AURKA: variants seen among roughly 807,000 people sequenced by gnomAD.
The protein encoded by AURKA is aurora kinase A, also known as aurora 2.
A neutral mutation model predicts 40.9 loss-of-function variants in AURKA; 12 were observed. The observed-to-expected ratio is 0.29, with a 90% CI of 0.19 to 0.48. The LOEUF (loss-of-function observed/expected upper bound fraction) is 0.48. Ranked by LOEUF, AURKA falls within the 20% of genes least tolerant of loss-of-function variation. The pLI is 0.99. For missense variants in AURKA, 322 were observed against 462.1 expected (o/e 0.70, Z 2.78); for synonymous variants, 170 against 164.3 (o/e 1.03, Z -0.26).
rs1420437796 is a variant in AURKA at position 56,388,315 on chromosome 20, A to G, written c.-5-113T>C. ...TCAAAAGGCCTCCACAACACACCGG[A>G]TTTTACATGTTTTGTCCAAATGAAG... On this transcript the variant is annotated intron_variant, in intron 1 of 8. Coordinates refer to ENST00000395915, the MANE Select transcript of AURKA (RefSeq NM_198437.3). 3.2e-6 allele frequency: 3 copies of G among 938,182 alleles called. No individual in the cohort carries two copies. The African/African-American group carries it at 4.9e-5, about 15-fold the overall frequency. 58.1% of individuals were successfully genotyped at this position (938,182 alleles called of 1,614,324 possible).
intron 7 of AURKA, among the ~76,000 whole-genome samples, chr20:56,372,098 C>T (rs1984321167): frequency 6.6e-6 from 1 of 152,162 alleles, no homozygotes; most frequent in South Asian, 2.1e-4. Flanking sequence ...CAAGCCAGAA[C>T]AGTCTGTGTG....
chr20:56,370,110 A>G lies in AURKA; in HGVS notation c.*48T>C. On this transcript the variant is annotated 3_prime_UTR_variant, in exon 9 of 9. Coordinates refer to ENST00000395915, the MANE Select transcript of AURKA (RefSeq NM_198437.3). ...TAAACTTCAGTAGCATGTTCCTGTC[A>G]GGTTATATGGCAGCCCTGGCTCAAG... The G allele has an allele frequency of 6.2e-7, 1 of 1,601,668 alleles. No homozygotes were observed. Among genetic ancestry groups the G allele is most frequent in the Non-Finnish European group, 8.5e-7 (1 of 1,170,406 alleles).
chr20:56,386,507 T>A lies in AURKA; in HGVS notation c.69A>T (p.Lys23Asn). The change falls in exon 3 of 9, where the codon AAA becomes AAT. Residue 23 changes from lysine to asparagine, a missense_variant. Physicochemically the swap from Lys to Asn is moderately conservative, Grantham distance 94 (BLOSUM62 0). Coordinates refer to ENST00000395915, the MANE Select transcript of AURKA (RefSeq NM_198437.3). ...GAAATTGCTGAGTCACGAGAACACGTTTTGGACCTCCAACTGGAGCTGTAG... is the reference window on the plus strand; with the variant it reads ...GAAATTGCTGAGTCACGAGAACACGATTTGGACCTCCAACTGGAGCTGTAG... ...VKATAPVGGP[K>N]RVLVTQQFPC... 6.2e-7 allele frequency: 1 copy of A among 1,614,198 alleles called. No homozygotes were observed. The highest frequency in any genetic ancestry group is 8.5e-7 in the Non-Finnish European group (1 of 1,180,038).
chr20:56,386,531 A>C lies in AURKA; in HGVS notation c.45T>G (p.Ala15=), dbSNP rs1414130779. The change falls in exon 3 of 9, where the codon GCT becomes GCG. Residue 15 remains alanine (A), a splice_region_variant and synonymous_variant. Transcript: ENST00000395915. ...GTTTTGGACCTCCAACTGGAGCTGT[A>C]GCCTAGAATGGAAGAGAAAATAAAC... is the stretch of plus-strand genomic sequence containing the variant. ...KENCISGPVK[A]TAPVGGPKRV... is the part of the protein sequence containing the mutation. 6.2e-7 allele frequency: 1 copy of C among 1,614,256 alleles called. No homozygotes were observed. Among genetic ancestry groups the C allele is most frequent in the Non-Finnish European group, 8.5e-7 (1 of 1,180,036 alleles).
intron 4 of AURKA, 38 bp downstream of exon 4, chr20:56,384,232 G>C (rs759854502): frequency 2.0e-6 from 3 of 1,524,800 alleles, no homozygotes; most frequent in African/African-American, 1.4e-5. Flanking sequence ...ATATATTCTA[G>C]TAGAACAGTA....
At chr20:56,385,967 A>C (rs1986304916) in intron 3 of AURKA, among the ~76,000 whole-genome samples, 1 of 152,160 alleles carries the variant, frequency 6.6e-6, no homozygotes, top group Admixed American at 6.6e-5. Context: ...ACTTACTGCA[A>C]GCACCCTACA....
At chr20:56,387,990 A>C (rs1425126961) in intron 2 of AURKA, among the ~76,000 whole-genome samples, 166 bp downstream of exon 2, 1 of 86,854 alleles carries the variant, frequency 1.2e-5, no homozygotes, top group Non-Finnish European at 2.5e-5. Context: ...CTACTCTAAG[A>C]AGCAGCAAAA....
chr20:56,375,742 T>C (rs1247081889), intron 6 of AURKA, among the ~76,000 whole-genome samples: 1 of 152,206 alleles, frequency 6.6e-6, no homozygotes, highest in Non-Finnish European at 1.5e-5. Flanking sequence ...GATGCTTTAA[T>C]TGCACACATT....
Position 56,370,210 on chromosome 20 carries a change from G to A in AURKA, c.1160C>T (p.Ser387Leu). 1 of 1,613,760 alleles carries A rather than the reference G, an allele frequency of 6.2e-7. No individual in the cohort carries two copies. The stretch of plus-strand genomic sequence containing the variant: ...GTTTTGGCAATTTGATGGTTTTGAT[G>A]AATTTGCTGTGATCCAGGGGTGTTC... ...VLEHPWITAN[S>L]SKPSNCQNKE... Residue 387 changes from serine to leucine, a missense_variant, in exon 9 of 9, where the codon TCA (serine) becomes TTA (leucine). By Grantham distance (145) the Ser-to-Leu change is moderately radical. Coordinates refer to ENST00000395915, the MANE Select transcript of AURKA (RefSeq NM_198437.3).
chr20:56,391,899 A>T (rs1233055768), intron 1 of AURKA: 1 of 66,896 alleles, frequency 1.5e-5, no homozygotes, highest in Non-Finnish European at 3.2e-5. Context: ...AAGCCCACCC[A>T]CCCCTCCCGC....
At chr20:56,374,466 TG>T (rs530321073) in intron 6 of AURKA, among the ~76,000 whole-genome samples, 101 of 152,324 alleles carry the variant, frequency 6.6e-4, no homozygotes, top group African/African-American at 2.4e-3. Flanking sequence ...AAAATTATCC[TG>T]AACAATAAAC....
Position 56,372,432 on chromosome 20 carries a change from A to G in AURKA, c.854+976T>C, listed in dbSNP as rs573511881. Among the ~76,000 whole-genome samples, 4 of 152,112 alleles carry G rather than the reference A, an allele frequency of 2.6e-5. No homozygotes were observed. In the East Asian group the frequency reaches 5.8e-4, roughly 22 times the overall value. ...AAGCCATCTTTTCTATCACAATTCA[A>G]CCGGTTAAGATACAGTTTAACTCTG... On this transcript the variant is annotated intron_variant, in intron 7 of 8. Transcript: ENST00000395915.
rs1259147705 is a variant in AURKA, at chr20:56,378,838, T to C, written c.705+2595A>G. ...TTACATGATATTCTGGAAAAGGCAA[T>C]AGAGACAGTAAACAGATCAGTGGTT... On this transcript the variant is annotated intron_variant, in intron 6 of 8. Transcript: ENST00000395915. 3.3e-5 allele frequency among the ~76,000 whole-genome samples: 5 copies of C among 152,238 alleles called. No individual in the cohort carries two copies. In the East Asian group the frequency reaches 9.7e-4, roughly 29 times the overall value.
intron 6 of AURKA, among the ~76,000 whole-genome samples, chr20:56,381,041 G>C (rs892991465): frequency 6.6e-6 from 1 of 152,168 alleles, no homozygotes; most frequent in East Asian, 1.9e-4. Flanking sequence ...CCAGCTACTC[G>C]GGAGGCTGAG....
At position 56,370,037 on chromosome 20, in the gene AURKA, T is replaced by C; in HGVS notation, c.*121A>G. The C allele has an allele frequency of 1.6e-6, 2 of 1,289,258 alleles. No individual in the cohort carries two copies. The highest frequency in any genetic ancestry group is 2.4e-5 in the South Asian group (2 of 83,656). The allele number at this position is 1,289,258 out of a possible 1,614,324, so 79.9% of individuals were successfully genotyped here. A position where few individuals can be genotyped will look rare whatever the true frequency, so the allele number is the denominator to read the frequency against. On this transcript the variant is annotated 3_prime_UTR_variant, in exon 9 of 9. Transcript: ENST00000395915. ...AGGCACACCTGCTGAGTAAAACAAA[T>C]ATTTCTTGTGTAGCGTTCTAGATTG...
intron 6 of AURKA, among the ~76,000 whole-genome samples, chr20:56,380,360 G>GAAAAAAAAAAAAAAAAAAAAAA (rs58953054): frequency 8.3e-6 from 1 of 119,998 alleles, no homozygotes. Flanking sequence ...GTCTCAAAAA[G>GAAAAAAAAAAAAAAAAAAAAAA]AAAAAAAAAA....
intron 6 of AURKA, among the ~76,000 whole-genome samples, chr20:56,379,202 A>C (rs1173250720): frequency 1.3e-5 from 2 of 152,240 alleles, no homozygotes; most frequent in Non-Finnish European, 2.9e-5. Context: ...AGTGCACATA[A>C]GCACTCTAAT....
At chr20:56,387,472 G>A (rs1310316503) in intron 2 of AURKA, among the ~76,000 whole-genome samples, 4 of 152,102 alleles carry the variant, frequency 2.6e-5, no homozygotes. Context: ...TTATTTATAC[G>A]CCTGTAAGTA....
Position 56,369,803 on chromosome 20 carries a change from G to T in AURKA, c.*355C>A. 2.2e-6 allele frequency: 1 copy of T among 462,262 alleles called. No homozygotes were observed. Among genetic ancestry groups the T allele is most frequent in the Non-Finnish European group, 4.0e-6 (1 of 249,852 alleles). The allele number at this position is 462,262 out of a possible 1,614,324, so 28.6% of individuals were successfully genotyped here. A position where few individuals can be genotyped will look rare whatever the true frequency, so the allele number is the denominator to read the frequency against. On this transcript the variant is annotated 3_prime_UTR_variant, in exon 9 of 9. Coordinates refer to ENST00000395915, the MANE Select transcript of AURKA (RefSeq NM_198437.3). ...TTATTGCACAGCTCCTTAACTGATC[G>T]GGGTCAGGGCAGAGTGGTCACTTTC...
Sources: gnomAD v4.1 joint callset for allele counts (sites outside exome capture counted in the v4.1 genomes callset) on GRCh38, gnomAD v4.1.1 for gene constraint, MANE v1.5 for transcripts, NCBI Gene and HGNC (gene_info 2026-07-23, HGNC 2026-07-21) for gene names.